Variants in PGAP1 observed in about 807,000 individuals in gnomAD.
The protein encoded by PGAP1 is post-GPI attachment to proteins inositol deacylase 1, also known as GPI inositol-deacylase.
A neutral mutation model predicts 127.0 loss-of-function variants in PGAP1; 76 were observed. The observed-to-expected ratio is 0.60, with a 90% CI of 0.50 to 0.72. PGAP1 has a LOEUF of 0.72. Among genes scored for constraint, PGAP1 ranks in the 30% least tolerant of loss-of-function variants. The pLI, the probability that PGAP1 is intolerant of heterozygous loss-of-function variation, is 0.00. For missense variants in PGAP1, 982 were observed against 1,071.3 expected (o/e 0.92, Z 1.16); for synonymous variants, 362 against 366.5 (o/e 0.99, Z 0.14).
At chr2:196,889,840 C>CA (rs1186809052) in intron 10 of PGAP1, among the ~76,000 whole-genome samples, 2 of 117,572 alleles carry the variant, frequency 1.7e-5, no homozygotes, top group Non-Finnish European at 3.3e-5. Context: ...GCCTGGGTGA[C>CA]AGAGCAAGAC....
chr2:196,872,301 G>A, intron 18 of PGAP1, 140 bp downstream of exon 18: 1 of 575,350 alleles, frequency 1.7e-6, no homozygotes, highest in Non-Finnish European at 3.0e-6. Context: ...GAAAAATGAA[G>A]AATATTTAAA....
chr2:196,921,180 C>T (rs141928771), intron 1 of PGAP1, among the ~76,000 whole-genome samples: 39 of 98,352 alleles, frequency 4.0e-4, no homozygotes, highest in African/African-American at 9.8e-4. Context: ...TGAAAACCCT[C>T]GTTGTTCTAA....
At chr2:196,862,907 A>G (rs1559339601) in intron 20 of PGAP1, among the ~76,000 whole-genome samples, 1 of 152,164 alleles carries the variant, frequency 6.6e-6, no homozygotes, top group African/African-American at 2.4e-5. Context: ...AACAAGAGCA[A>G]AACTCCATCT....
At chr2:196,872,291 G>A in intron 18 of PGAP1, 150 bp downstream of exon 18, 2 of 551,230 alleles carry the variant, frequency 3.6e-6, no homozygotes, top group South Asian at 5.5e-5. Context: ...GTGTTAATAG[G>A]AAAAATGAAG....
In PGAP1 at chr2:196,847,069, T is replaced by C. The variant is rs370811550; in HGVS notation, c.2084A>G (p.Tyr695Cys). 1.2e-6 allele frequency: 2 copies of C among 1,613,640 alleles called. No homozygotes were observed. The highest frequency in any genetic ancestry group is 2.7e-5 in the African/African-American group (2 of 74,890). The change falls in exon 22 of 27, where the codon TAC becomes TGC. Residue 695 changes from tyrosine (Y) to cysteine (C), a missense_variant. Transcript: ENST00000354764. ...ILFLFGTCTA[Y>C]WSGLLSSASV... ...TGCAGAAGACAGTAGGCCACTCCAG[T>C]AGGCAGTACACGTTCCAAACAGAAA...
intron 10 of PGAP1, among the ~76,000 whole-genome samples, chr2:196,889,050 T>C (rs1702013485): frequency 6.6e-6 from 1 of 152,174 alleles, no homozygotes. Flanking sequence ...ATTGAAAAGA[T>C]TTTTTTAAAA....
chr2:196,868,979 T>C (rs1012184349), intron 19 of PGAP1, among the ~76,000 whole-genome samples: 1 of 152,180 alleles, frequency 6.6e-6, no homozygotes, highest in African/African-American at 2.4e-5. Flanking sequence ...TAATACAAAT[T>C]ATTTTTTTAA....
At chr2:196,863,273 G>A (rs1181210254) in intron 20 of PGAP1, among the ~76,000 whole-genome samples, 1 of 152,164 alleles carries the variant, frequency 6.6e-6, no homozygotes, top group Non-Finnish European at 1.5e-5. Flanking sequence ...GCATCCCCAT[G>A]TTTACTGTAG....
Position 196,839,042 on chromosome 2 carries a change from CA to C in PGAP1, c.*2191del. 1 of 149,348 alleles carries C rather than the reference CA, an allele frequency of 6.7e-6. No homozygotes were observed. Among genetic ancestry groups the C allele is most frequent in the Non-Finnish European group, 1.5e-5 (1 of 68,394 alleles). The allele number at this position is 149,348 out of a possible 1,614,324, so 9.3% of individuals were successfully genotyped here. On this transcript the variant is annotated 3_prime_UTR_variant, in exon 27 of 27. Coordinates refer to ENST00000354764, the MANE Select transcript of PGAP1 (RefSeq NM_024989.4). ...CTGGTGACAGCGTGAGACTCCATCT[CA>C]AAAACAAACAAACAAACAAACAAAA... is the stretch of plus-strand genomic sequence containing the variant.
chr2:196,875,965 T>C (rs554082227), intron 13 of PGAP1, 144 bp from the exon 14 acceptor site: 3 of 520,460 alleles, frequency 5.8e-6, no homozygotes, highest in Non-Finnish European at 7.0e-6. Context: ...ATTCTGCCTA[T>C]ACTTAAGTGG....
At chr2:196,850,462 C>T (rs1700684490) in intron 20 of PGAP1, among the ~76,000 whole-genome samples, 2 of 152,186 alleles carry the variant, frequency 1.3e-5, no homozygotes, top group South Asian at 4.1e-4. Flanking sequence ...AAGAAAACTT[C>T]AAGTGCCAGG....
intron 5 of PGAP1, among the ~76,000 whole-genome samples, chr2:196,902,173 C>A (rs117923480): frequency 0.014 from 2,200 of 152,198 alleles, 33 homozygotes; most frequent in South Asian, 0.042. Context: ...GCACTTACCA[C>A]CATGCCAAAT....
Position 196,891,314 on chromosome 2 carries a change from A to G in PGAP1, c.1090-403T>C, listed in dbSNP as rs115152678. 2.1e-3 allele frequency among the ~76,000 whole-genome samples: 320 copies of G among 152,290 alleles called. 2 individuals carry two copies. Among genetic ancestry groups the G allele is most frequent in the African/African-American group, 7.2e-3 (300 of 41,572 alleles). Reference sequence around the variant, plus strand: ...CCCAAAGAAAAGGAATAGTTCCTTAAAGAAATAGCTGATTCACGGTTTGGG... The same window carrying G: ...CCCAAAGAAAAGGAATAGTTCCTTAGAGAAATAGCTGATTCACGGTTTGGG... On this transcript the variant is annotated intron_variant, in intron 9 of 26. Transcript: ENST00000354764.
At position 196,902,726 on chromosome 2, in the gene PGAP1, T is replaced by C; in HGVS notation, c.666A>G (p.Val222=). 6.2e-7 allele frequency: 1 copy of C among 1,605,428 alleles called. No individual in the cohort carries two copies. Among genetic ancestry groups the C allele is most frequent in the Middle Eastern group, 1.7e-4 (1 of 6,038 alleles). The change falls in exon 5 of 27, where the codon GTA becomes GTG. Residue 222 remains valine, a synonymous_variant. Coordinates refer to ENST00000354764, the MANE Select transcript of PGAP1 (RefSeq NM_024989.4). The part of the protein sequence containing the change: ...DRFITDFYTT[V]NNYWILNARH... ...GAGCATTTAGAATCCAATAGTTGTTTACAGTCGTATAAAAATCTGGTGGGG... is the reference window on the plus strand; with the variant it reads ...GAGCATTTAGAATCCAATAGTTGTTCACAGTCGTATAAAAATCTGGTGGGG...
At chr2:196,850,850 A>T (rs1559332532) in intron 20 of PGAP1, among the ~76,000 whole-genome samples, 1 of 152,148 alleles carries the variant, frequency 6.6e-6, no homozygotes, top group Non-Finnish European at 1.5e-5. Context: ...ACATATTATG[A>T]ACGATTCTTG....
At chr2:196,861,843 C>CT (rs1213870355) in intron 20 of PGAP1, among the ~76,000 whole-genome samples, 1 of 151,474 alleles carries the variant, frequency 6.6e-6, no homozygotes, top group African/African-American at 2.4e-5. Context: ...TTCATGGACA[C>CT]TTATCACTCC....
In PGAP1 at chr2:196,893,457, G is replaced by C. The variant is rs141236688; in HGVS notation, c.928-212C>G. 7.2e-4 allele frequency among the ~76,000 whole-genome samples: 110 copies of C among 152,312 alleles called. 1 individual carries two copies. The East Asian group carries it at 0.021, about 29-fold the overall frequency. On this transcript the variant is annotated intron_variant, in intron 7 of 26. Transcript: ENST00000354764. ...TGAAATGTGAATAAACTAAAGCACA[G>C]AGAAATTAAGAAACTTGCCTAAGTT...
At chr2:196,877,374 A>C (rs2125804274) in intron 13 of PGAP1, among the ~76,000 whole-genome samples, 1 of 152,248 alleles carries the variant, frequency 6.6e-6, no homozygotes, top group East Asian at 1.9e-4. Flanking sequence ...GAAAGACTTA[A>C]GTTATAATTC....
At chr2:196,879,992 G>A in intron 13 of PGAP1, 84 bp downstream of exon 13, 1 of 940,432 alleles carries the variant, frequency 1.1e-6, no homozygotes, top group Non-Finnish European at 1.7e-6. Context: ...GATAAACTGT[G>A]CAGAAAAACT....
Sources: allele counts gnomAD v4.1 joint callset (sites outside exome capture counted in the v4.1 genomes callset), GRCh38; gene constraint gnomAD v4.1.1; transcripts MANE v1.5; gene names NCBI Gene and HGNC (gene_info 2026-07-23, HGNC 2026-07-21).